MARCHF1: variants seen among roughly 807,000 people sequenced by gnomAD.
MARCHF1 encodes the protein membrane associated ring-CH-type finger 1.
Under a neutral mutation model 54.2 loss-of-function variants are expected in MARCHF1, and 40 were observed. The ratio of observed to expected loss-of-function variants is 0.74; its 90% confidence interval spans 0.57 to 0.96. The LOEUF is 0.96. Ranked by LOEUF, MARCHF1 falls within the 40% of genes least tolerant of loss-of-function variation. The probability of loss-of-function intolerance (pLI) is 0.00; values close to 1 mark genes in which losing one functional copy is unlikely to be tolerated. For synonymous variants in MARCHF1, 236 were observed against 236.3 expected, an observed-to-expected ratio of 1.00 and a Z score of 0.01; for missense variants, 586 against 656.5, an observed-to-expected ratio of 0.89 and a Z score of 1.17.
At chr4:164,136,499 A>G (rs1263324336) in intron 1 of MARCHF1, among the ~76,000 whole-genome samples, 1 of 152,160 alleles carries the variant, frequency 6.6e-6, no homozygotes, top group East Asian at 1.9e-4. Flanking sequence ...TTGCCCCACC[A>G]GAATACTCAG....
chr4:163,752,509 A>C (rs1746552384), intron 4 of MARCHF1, among the ~76,000 whole-genome samples: 1 of 152,188 alleles, frequency 6.6e-6, no homozygotes, highest in Non-Finnish European at 1.5e-5. Context: ...CTTTGTTTTC[A>C]GGCATTTTTA....
intron 4 of MARCHF1, among the ~76,000 whole-genome samples, chr4:163,755,387 T>C (rs1225185091): frequency 6.6e-6 from 1 of 152,206 alleles, no homozygotes; most frequent in East Asian, 1.9e-4. Flanking sequence ...AGATTTCTCA[T>C]AGCAGGTAAA....
At chr4:164,199,515 C>T (rs199828637) in intron 1 of MARCHF1, among the ~76,000 whole-genome samples, 2 of 151,826 alleles carry the variant, frequency 1.3e-5, no homozygotes, top group African/African-American at 2.4e-5. Flanking sequence ...TTGTAGAGCC[C>T]GCCTGTAATC....
At chr4:164,142,177 A>G (rs1037126171) in intron 1 of MARCHF1, among the ~76,000 whole-genome samples, 5 of 152,206 alleles carry the variant, frequency 3.3e-5, no homozygotes, top group Non-Finnish European at 4.4e-5. Context: ...TCCTATGCCC[A>G]CGGAGACTCG....
At chr4:164,218,209 T>G (rs1731986520) in intron 1 of MARCHF1, among the ~76,000 whole-genome samples, 1 of 152,128 alleles carries the variant, frequency 6.6e-6, no homozygotes, top group African/African-American at 2.4e-5. Flanking sequence ...CAGGAGGTAA[T>G]GGAGAGACCT....
chr4:164,271,409 G>T (rs1436525400), intron 1 of MARCHF1, among the ~76,000 whole-genome samples: 1 of 152,100 alleles, frequency 6.6e-6, no homozygotes, highest in Admixed American at 6.6e-5. Flanking sequence ...AAAAGAGAGA[G>T]GAGAGGCAAT....
chr4:163,925,138 G>A (rs1455538022), intron 3 of MARCHF1, among the ~76,000 whole-genome samples: 1 of 151,738 alleles, frequency 6.6e-6, no homozygotes, highest in Non-Finnish European at 1.5e-5. Context: ...TTGGCCAAAC[G>A]CTGGCATTTT....
intron 5 of MARCHF1, among the ~76,000 whole-genome samples, chr4:163,687,231 CTTT>C (rs753785368): frequency 1.4e-5 from 2 of 142,986 alleles, no homozygotes; most frequent in Admixed American, 1.4e-4. Context: ...GAAGTCAGAT[CTTT>C]TTTTTTTTTT....
intron 1 of MARCHF1, among the ~76,000 whole-genome samples, chr4:164,337,252 T>C (rs896830409): frequency 6.6e-6 from 1 of 152,234 alleles, no homozygotes; most frequent in African/African-American, 2.4e-5. Flanking sequence ...CTGTGGGATT[T>C]GGGTGTCCCC....
chr4:164,082,554 TCA>T (rs1157999845), intron 2 of MARCHF1, among the ~76,000 whole-genome samples: 1 of 152,184 alleles, frequency 6.6e-6, no homozygotes, highest in Non-Finnish European at 1.5e-5. Flanking sequence ...TTAAAAAGAT[TCA>T]CACATTTTCT....
At chr4:164,253,060 A>C (rs1733171996) in intron 1 of MARCHF1, among the ~76,000 whole-genome samples, 1 of 152,142 alleles carries the variant, frequency 6.6e-6, no homozygotes, top group African/African-American at 2.4e-5. Flanking sequence ...ACAGTGGTAT[A>C]ACAATAAATT....
chr4:163,780,312 G>C (rs887991027), intron 4 of MARCHF1, among the ~76,000 whole-genome samples: 3 of 152,156 alleles, frequency 2.0e-5, no homozygotes, highest in Non-Finnish European at 4.4e-5. Flanking sequence ...AGCTTATCAA[G>C]GGAATCACTC....
At chr4:164,171,541 C>A (rs1430993) in intron 1 of MARCHF1, among the ~76,000 whole-genome samples, 1 of 151,836 alleles carries the variant, frequency 6.6e-6, no homozygotes, top group African/African-American at 2.4e-5. Context: ...ATAGTTAAAA[C>A]TTTTAAAATC....
chr4:163,748,164 T>C (rs1746414704), intron 4 of MARCHF1, among the ~76,000 whole-genome samples: 1 of 152,216 alleles, frequency 6.6e-6, no homozygotes, highest in Non-Finnish European at 1.5e-5. Context: ...CTCAGGGTTA[T>C]AGAACAGCTA....
intron 3 of MARCHF1, among the ~76,000 whole-genome samples, chr4:163,968,516 A>G (rs1302689445): frequency 6.6e-6 from 1 of 152,184 alleles, no homozygotes. Flanking sequence ...ACTGTCTTCA[A>G]ATAATATTTA....
At chr4:163,782,537 G>A (rs1747495410) in intron 4 of MARCHF1, among the ~76,000 whole-genome samples, 1 of 151,984 alleles carries the variant, frequency 6.6e-6, no homozygotes, top group East Asian at 1.9e-4. Context: ...GGTCATGGTG[G>A]TGCACACCTG....
chr4:163,677,270 C>A (rs1437591709), intron 5 of MARCHF1, among the ~76,000 whole-genome samples: 1 of 152,158 alleles, frequency 6.6e-6, no homozygotes, highest in African/African-American at 2.4e-5. Context: ...AATTCTATAG[C>A]TTCCCCCGTT....
At chr4:163,584,679 TCTCC>T (rs1740348390) in intron 8 of MARCHF1, 2 of 152,222 alleles carry the variant, frequency 1.3e-5, no homozygotes, top group Admixed American at 1.3e-4. Context: ...AATGTGATTC[TCTCC>T]CTCCACAATT....
chr4:163,812,011 A>G (rs970180441), intron 4 of MARCHF1, among the ~76,000 whole-genome samples: 3 of 152,134 alleles, frequency 2.0e-5, no homozygotes, highest in African/African-American at 7.2e-5. Context: ...GGGTCTGAAC[A>G]GAATAAAAAG....
Sources: allele counts gnomAD v4.1 joint callset (sites outside exome capture counted in the v4.1 genomes callset), GRCh38; gene constraint gnomAD v4.1.1; transcripts MANE v1.5; gene names NCBI Gene and HGNC (gene_info 2026-07-23, HGNC 2026-07-21).